STK3: variants seen among roughly 807,000 people sequenced by gnomAD.
The protein encoded by STK3 is serine/threonine kinase 3.
A neutral mutation model predicts 58.0 loss-of-function variants in STK3; 41 were observed. The ratio of observed to expected loss-of-function variants is 0.71; its 90% CI spans 0.55 to 0.92. The LOEUF (loss-of-function observed/expected upper bound fraction) is 0.92, where lower values mean the gene tolerates loss of function less well. STK3 is among the 40% of genes least tolerant of loss of function. The probability of loss-of-function intolerance (pLI) is 0.00; values close to 1 mark genes in which losing one functional copy is unlikely to be tolerated. For missense variants in STK3, 479 were observed against 602.7 expected (o/e 0.79, Z 2.15); for synonymous variants, 170 against 191.0 (o/e 0.89, Z 0.91).
At chr8:98,639,067 G>C (rs1223977899) in intron 6 of STK3, among the ~76,000 whole-genome samples, 5 of 151,412 alleles carry the variant, frequency 3.3e-5, no homozygotes, top group African/African-American at 4.9e-5. Flanking sequence ...AGTTATACTA[G>C]TCTGTAGAAA....
chr8:98,577,949 T>C (rs1813549488), intron 8 of STK3, among the ~76,000 whole-genome samples: 1 of 149,360 alleles, frequency 6.7e-6, no homozygotes, highest in Admixed American at 6.7e-5. Context: ...TTAAGCATGT[T>C]AAAAAAAAAA....
At chr8:98,374,101 G>A (rs963412983) in intron 2 of STK3, among the ~76,000 whole-genome samples, 1 of 152,222 alleles carries the variant, frequency 6.6e-6, no homozygotes, top group African/African-American at 2.4e-5. Context: ...AAGAGTTTAT[G>A]TGAAGCAAAC....
At chr8:98,858,458 C>T (rs1163173016) in intron 3 of STK3, among the ~76,000 whole-genome samples, 1 of 150,130 alleles carries the variant, frequency 6.7e-6, no homozygotes, top group Non-Finnish European at 1.5e-5. Context: ...TGAGTCACCA[C>T]ATCCATCCGG....
At chr8:98,414,960 G>A (rs552890308) in intron 3 of STK3, among the ~76,000 whole-genome samples, 113 of 152,276 alleles carry the variant, frequency 7.4e-4, no homozygotes, top group African/African-American at 2.7e-3. Context: ...ACTATGATCT[G>A]AATTTGTCCC....
At chr8:98,914,044 T>TCACTGC (rs1273005165) in intron 1 of STK3, among the ~76,000 whole-genome samples, 1 of 148,434 alleles carries the variant, frequency 6.7e-6, no homozygotes, top group Non-Finnish European at 1.5e-5. Context: ...ATTATTCAGT[T>TCACTGC]AAAGCCAATT....
chr8:98,585,663 T>C (rs1182014287), intron 7 of STK3, among the ~76,000 whole-genome samples: 10 of 151,650 alleles, frequency 6.6e-5, no homozygotes, highest in South Asian at 6.3e-4. Context: ...GGGGATGGCA[T>C]TGAATCTGTA....
intron 10 of STK3, among the ~76,000 whole-genome samples, chr8:98,521,670 A>G (rs553536363): frequency 3.3e-5 from 5 of 152,158 alleles, no homozygotes; most frequent in African/African-American, 1.2e-4. Flanking sequence ...CTACTTTTCC[A>G]TTTTATCTCT....
intron 9 of STK3, among the ~76,000 whole-genome samples, chr8:98,536,668 T>C (rs12542931): frequency 0.42 from 63,331 of 152,062 alleles, 13,399 homozygotes; most frequent in Admixed American, 0.54. Flanking sequence ...GAACTCACTC[T>C]GCCAGTGCCG....
At chr8:98,430,477 C>T (rs1347994981) in intron 3 of STK3, 1 of 167,072 alleles carries the variant, frequency 6.0e-6, no homozygotes, top group Non-Finnish European at 1.5e-5. Flanking sequence ...AGCTTAAATA[C>T]TTTTGTTGCC....
intron 3 of STK3, among the ~76,000 whole-genome samples, chr8:98,838,097 GTCAGAT>G (rs1835814084): frequency 7.9e-6 from 1 of 125,946 alleles, no homozygotes; most frequent in African/African-American, 2.9e-5. Flanking sequence ...AAAAAAAAAA[GTCAGAT>G]GTGGTAGGGC....
At chr8:98,432,029 GTGACCCAGGGAGAAATAATCT>G (rs1818341742) in intron 3 of STK3, 1 of 167,020 alleles carries the variant, frequency 6.0e-6, no homozygotes, top group Non-Finnish European at 1.5e-5. Context: ...AGACTGAATG[GTGACCCAGGGAGAAATAATCT>G]TCCTCTCCCC....
intron 1 of STK3, among the ~76,000 whole-genome samples, chr8:98,931,514 T>C (rs1840002859): frequency 6.6e-6 from 1 of 152,164 alleles, no homozygotes; most frequent in Non-Finnish European, 1.5e-5. Flanking sequence ...AGAAAATCAT[T>C]TGAGCAAATA....
intron 4 of STK3, among the ~76,000 whole-genome samples, chr8:98,710,099 C>T (rs989647382): frequency 6.6e-6 from 1 of 151,914 alleles, no homozygotes; most frequent in Non-Finnish European, 1.5e-5. Context: ...ATGATATGAT[C>T]ATATATGTAG....
At chr8:98,640,256 T>C (rs1229577270) in intron 6 of STK3, among the ~76,000 whole-genome samples, 1 of 152,000 alleles carries the variant, frequency 6.6e-6, no homozygotes, top group South Asian at 2.1e-4. Flanking sequence ...CACCATGTTG[T>C]CCAGGCTGGT....
At chr8:98,558,552 A>G (rs1811773609) in intron 8 of STK3, among the ~76,000 whole-genome samples, 1 of 152,176 alleles carries the variant, frequency 6.6e-6, no homozygotes, top group Admixed American at 6.5e-5. Flanking sequence ...AATAATGAAT[A>G]TTCATATTAA....
At chr8:98,888,586 T>G (rs1464308141) in intron 1 of STK3, among the ~76,000 whole-genome samples, 1 of 152,162 alleles carries the variant, frequency 6.6e-6, no homozygotes, top group Non-Finnish European at 1.5e-5. Context: ...CAAAACAAAG[T>G]GGGGTTGCTC....
At chr8:98,716,264 C>A (rs1003654245) in intron 4 of STK3, among the ~76,000 whole-genome samples, 1 of 151,832 alleles carries the variant, frequency 6.6e-6, no homozygotes, top group African/African-American at 2.4e-5. Context: ...TGCACATGTA[C>A]CCTAAAACTT....
intron 6 of STK3, chr8:98,602,271 GA>G (rs1387868400): frequency 1.3e-5 from 2 of 152,208 alleles, no homozygotes; most frequent in Non-Finnish European, 2.9e-5. Context: ...GATGGTATTA[GA>G]AGGTGGGGCC....
intron 6 of STK3, among the ~76,000 whole-genome samples, chr8:98,624,420 T>C (rs909114703): frequency 1.3e-5 from 2 of 152,174 alleles, no homozygotes; most frequent in African/African-American, 2.4e-5. Flanking sequence ...TTTAGAGTTA[T>C]GTAAAACTTT....
Sources: gnomAD v4.1 joint callset for allele counts (sites outside exome capture counted in the v4.1 genomes callset) on GRCh38, gnomAD v4.1.1 for gene constraint, MANE v1.5 for transcripts, NCBI Gene and HGNC (gene_info 2026-07-23, HGNC 2026-07-21) for gene names.